ENTREP2: variants seen among roughly 807,000 people sequenced by gnomAD.
ENTREP2 encodes protein ENTREP2.
the ENTREP2 span, among the ~76,000 whole-genome samples, chr15:29,652,981 G>C: frequency 2.6e-5 from 4 of 152,084 alleles, no homozygotes; most frequent in African/African-American, 9.7e-5. Context: ...ACACCCAAAA[G>C]ATCCCATAAG....
At chr15:29,342,904 T>G in the ENTREP2 span, among the ~76,000 whole-genome samples, 2 of 152,190 alleles carry the variant, frequency 1.3e-5, no homozygotes, top group South Asian at 4.1e-4. Flanking sequence ...CTTCTAAGTT[T>G]GCATACTTTC....
chr15:29,136,477 C>A, the ENTREP2 span: 1 of 1,548,292 alleles, frequency 6.5e-7, no homozygotes, highest in South Asian at 1.2e-5. Context: ...CGAATGGAGA[C>A]GGAGCAAAGT....
At chr15:29,418,603 G>GT in the ENTREP2 span, among the ~76,000 whole-genome samples, 1 of 152,176 alleles carries the variant, frequency 6.6e-6, no homozygotes, top group Non-Finnish European at 1.5e-5. Flanking sequence ...TCGCTTCCAG[G>GT]TCGGATGGAG....
chr15:29,390,094 C>T, the ENTREP2 span, among the ~76,000 whole-genome samples: 6 of 152,180 alleles, frequency 3.9e-5, no homozygotes, highest in East Asian at 1.9e-4. Flanking sequence ...GAGGCCAGCT[C>T]TGGCCCACTG....
the ENTREP2 span, among the ~76,000 whole-genome samples, chr15:29,400,768 T>C: frequency 6.6e-6 from 1 of 152,242 alleles, no homozygotes; most frequent in Non-Finnish European, 1.5e-5. Flanking sequence ...CATTTGTTTG[T>C]GGTAGGAGGA....
chr15:29,497,902 G>A, the ENTREP2 span, among the ~76,000 whole-genome samples: 2,058 of 152,024 alleles, frequency 0.014, 40 homozygotes, highest in African/African-American at 0.047. Context: ...CTTCATGTAG[G>A]CATTTTTCAC....
At chr15:29,128,865 C>T in the ENTREP2 span, 3 of 1,549,412 alleles carry the variant, frequency 1.9e-6, no homozygotes, top group Non-Finnish European at 2.6e-6. Flanking sequence ...TACTTGTAAC[C>T]TACAGTAAGA....
chr15:29,282,186 T>C, the ENTREP2 span, among the ~76,000 whole-genome samples: 1 of 152,172 alleles, frequency 6.6e-6, no homozygotes, highest in African/African-American at 2.4e-5. Context: ...CCACGGGAGA[T>C]AACTGAATCA....
the ENTREP2 span, among the ~76,000 whole-genome samples, chr15:29,653,248 C>T: frequency 2.0e-5 from 3 of 152,324 alleles, no homozygotes; most frequent in African/African-American, 7.2e-5. Flanking sequence ...CTTGAAGCAG[C>T]TTCCACTCAA....
chr15:29,394,343 C>A, the ENTREP2 span, among the ~76,000 whole-genome samples: 1 of 152,010 alleles, frequency 6.6e-6, no homozygotes, highest in Non-Finnish European at 1.5e-5. Context: ...GAAACAATGT[C>A]ATTGAACTAT....
the ENTREP2 span, among the ~76,000 whole-genome samples, chr15:29,671,225 G>A: frequency 1.3e-5 from 2 of 152,218 alleles, no homozygotes; most frequent in Non-Finnish European, 1.5e-5. Flanking sequence ...CCTGGGCTCC[G>A]GACCCTTCCA....
chr15:29,535,612 C>G, the ENTREP2 span, among the ~76,000 whole-genome samples: 5 of 152,140 alleles, frequency 3.3e-5, no homozygotes, highest in Admixed American at 3.3e-4. Context: ...ATCACTCGAG[C>G]CTGGGAGTGC....
chr15:29,148,730 T>C, the ENTREP2 span, among the ~76,000 whole-genome samples: 9 of 152,316 alleles, frequency 5.9e-5, no homozygotes, highest in South Asian at 1.7e-3. Context: ...GTCAGTCTGC[T>C]GTGTGGAGTG....
the ENTREP2 span, among the ~76,000 whole-genome samples, chr15:29,203,284 T>C: frequency 2.6e-5 from 4 of 152,218 alleles, no homozygotes; most frequent in Admixed American, 2.0e-4. Flanking sequence ...TGCCTGCAGT[T>C]CCAGCTACTG....
At chr15:29,286,635 T>C in the ENTREP2 span, among the ~76,000 whole-genome samples, 3 of 152,198 alleles carry the variant, frequency 2.0e-5, no homozygotes, top group Non-Finnish European at 4.4e-5. Context: ...TTCTGTCCTC[T>C]GGCCACGGTC....
chr15:29,241,663 CA>C, the ENTREP2 span, among the ~76,000 whole-genome samples: 1 of 152,192 alleles, frequency 6.6e-6, no homozygotes, highest in African/African-American at 2.4e-5. Flanking sequence ...AATTGCATTT[CA>C]AAAGCATCCT....
chr15:29,532,479 T>C, the ENTREP2 span, among the ~76,000 whole-genome samples: 1 of 152,280 alleles, frequency 6.6e-6, no homozygotes, highest in Non-Finnish European at 1.5e-5. Context: ...ACAAAACTGG[T>C]GCATCCCACA....
the ENTREP2 span, among the ~76,000 whole-genome samples, chr15:29,359,385 A>G: frequency 6.6e-6 from 1 of 152,210 alleles, no homozygotes; most frequent in African/African-American, 2.4e-5. Flanking sequence ...TCCAAAAGTC[A>G]CTGCTGAAAG....
At chr15:29,124,116 C>T in the ENTREP2 span, among the ~76,000 whole-genome samples, 1 of 152,290 alleles carries the variant, frequency 6.6e-6, no homozygotes, top group African/African-American at 2.4e-5. Context: ...TGCAGGCAGC[C>T]ACCACTCAGT....
Sources: allele counts gnomAD v4.1 joint callset (sites outside exome capture counted in the v4.1 genomes callset), GRCh38; gene constraint gnomAD v4.1.1; transcripts MANE v1.5; gene names NCBI Gene and HGNC (gene_info 2026-07-23, HGNC 2026-07-21).